Variants in OOSP1 observed in about 807,000 individuals in gnomAD.
The protein encoded by OOSP1 is oocyte secreted protein 1.
A neutral mutation model predicts 5.7 loss-of-function variants in OOSP1; 11 were observed. That is an observed-to-expected ratio of 1.94 (90% confidence interval 1.22 to 3.20). OOSP1 has a LOEUF of 3.20. Ranked by LOEUF, OOSP1 falls within the 30% of genes most tolerant of loss-of-function variation. The probability of loss-of-function intolerance (pLI) is 0.00; values close to 1 mark genes in which losing one functional copy is unlikely to be tolerated. For synonymous variants in OOSP1, 44 were observed against 20.0 expected, an observed-to-expected ratio of 2.20 and a Z score of -3.20; for missense variants, 83 against 54.1, an observed-to-expected ratio of 1.53 and a Z score of -1.67.
At chr11:59,944,412 G>A (rs1853862330) in intron 2 of OOSP1, among the ~76,000 whole-genome samples, 1 of 151,996 alleles carries the variant, frequency 6.6e-6, no homozygotes, top group Non-Finnish European at 1.5e-5. Flanking sequence ...GGTGGTGGTA[G>A]TATGTTAATT....
intron 4 of OOSP1, among the ~76,000 whole-genome samples, chr11:59,948,201 T>C (rs1032015644): frequency 5.9e-5 from 9 of 152,210 alleles, no homozygotes; most frequent in African/African-American, 2.2e-4. Flanking sequence ...GTATTAACAC[T>C]GAGCCTACAA....
rs1162140559 is a variant in OOSP1, at chr11:59,939,275, C to T, written c.76+745C>T. ...TTCTTCCTTTCTTTTTTTTTTGGGACAAGAGTCTCGCTGTCACCGAGGCTG... is the reference window on the plus strand; with the variant it reads ...TTCTTCCTTTCTTTTTTTTTTGGGATAAGAGTCTCGCTGTCACCGAGGCTG... On this transcript the variant is annotated intron_variant, in intron 1 of 4. Transcript: ENST00000646685. Among the ~76,000 whole-genome samples the T allele has an allele frequency of 2.0e-5, 3 of 147,276 alleles. No individual in the cohort carries two copies. In the South Asian group the frequency reaches 6.5e-4, roughly 32 times the overall value.
chr11:59,951,782 T>G (rs1344080869), intron 4 of OOSP1, among the ~76,000 whole-genome samples: 1 of 145,466 alleles, frequency 6.9e-6, no homozygotes, highest in Non-Finnish European at 1.5e-5. Context: ...AGTTTTTTTT[T>G]TTTTTTTTTT....
intron 3 of OOSP1, among the ~76,000 whole-genome samples, chr11:59,946,712 G>GT (rs766110424): frequency 9.9e-5 from 15 of 152,184 alleles, no homozygotes; most frequent in Non-Finnish European, 2.2e-4. Context: ...AAAGCATAAT[G>GT]AAGTCTAAAA....
At chr11:59,956,244 G>T (rs1468496808) in intron 4 of OOSP1, among the ~76,000 whole-genome samples, 1 of 149,262 alleles carries the variant, frequency 6.7e-6, no homozygotes. Context: ...AAATGTATTA[G>T]TTCAAGGTGG....
intron 4 of OOSP1, among the ~76,000 whole-genome samples, chr11:59,955,341 G>GA (rs1853984144): frequency 6.6e-6 from 1 of 151,550 alleles, no homozygotes; most frequent in African/African-American, 2.4e-5. Flanking sequence ...ATATCTTTAT[G>GA]GTTTTTTTTG....
chr11:59,946,899 A>G (rs1251017017), intron 3 of OOSP1, among the ~76,000 whole-genome samples: 1 of 149,774 alleles, frequency 6.7e-6, no homozygotes, highest in Non-Finnish European at 1.5e-5. Flanking sequence ...GCCTGTATCA[A>G]AATATCTCAT....
chr11:59,947,828 A>G, exon 4 of OOSP1: 1 of 398,896 alleles, frequency 2.5e-6, no homozygotes, highest in East Asian at 3.6e-5. Flanking sequence ...ATTGCGAATG[A>G]AGACATGGGC....
intron 4 of OOSP1, among the ~76,000 whole-genome samples, chr11:59,952,996 T>G (rs1451243305): frequency 6.6e-6 from 1 of 152,188 alleles, no homozygotes; most frequent in Non-Finnish European, 1.5e-5. Flanking sequence ...GAAGCTATAT[T>G]AATACACATT....
At chr11:59,945,206 G>A (rs1415652125) in exon 3 of OOSP1, 1 of 702,746 alleles carries the variant, frequency 1.4e-6, no homozygotes, top group East Asian at 2.7e-5. Context: ...ACTAAAATCA[G>A]GTATATCTCA....
At chr11:59,941,761 G>A (rs1853829206) in intron 1 of OOSP1, among the ~76,000 whole-genome samples, 1 of 152,138 alleles carries the variant, frequency 6.6e-6, no homozygotes, top group South Asian at 2.1e-4. Flanking sequence ...TCATATGGTT[G>A]TTGTATGTTT....
intron 4 of OOSP1, among the ~76,000 whole-genome samples, chr11:59,955,540 A>G (rs1019507858): frequency 2.6e-5 from 4 of 152,196 alleles, no homozygotes; most frequent in African/African-American, 9.6e-5. Context: ...TGTATCATAG[A>G]AGCAATAGAT....
At chr11:59,954,235 T>C (rs1359118485) in intron 4 of OOSP1, among the ~76,000 whole-genome samples, 2 of 152,230 alleles carry the variant, frequency 1.3e-5, no homozygotes, top group African/African-American at 4.8e-5. Flanking sequence ...CAAAATATCA[T>C]TGTGCAATGT....
chr11:59,948,908 C>T (rs1353942278), intron 4 of OOSP1: 1 of 396,100 alleles, frequency 2.5e-6, no homozygotes, highest in Non-Finnish European at 4.5e-6. Flanking sequence ...ATCTGAAAAA[C>T]CTAAATTGTG....
intron 4 of OOSP1, among the ~76,000 whole-genome samples, chr11:59,955,065 T>C (rs895521757): frequency 2.0e-5 from 3 of 152,090 alleles, no homozygotes; most frequent in Non-Finnish European, 4.4e-5. Context: ...TATTTACCTA[T>C]TTTTTCCTAA....
chr11:59,944,478 A>G (rs1361253567), intron 2 of OOSP1, among the ~76,000 whole-genome samples: 1 of 152,144 alleles, frequency 6.6e-6, no homozygotes, highest in Non-Finnish European at 1.5e-5. Context: ...GATATATCTG[A>G]GACGGGAACA....
At chr11:59,950,374 A>G (rs1853926754) in intron 4 of OOSP1, among the ~76,000 whole-genome samples, 1 of 152,216 alleles carries the variant, frequency 6.6e-6, no homozygotes. Context: ...ATCAGTACAT[A>G]CTAATACTTA....
intron 3 of OOSP1, among the ~76,000 whole-genome samples, chr11:59,945,947 G>T (rs928710760): frequency 1.1e-4 from 16 of 152,004 alleles, no homozygotes; most frequent in African/African-American, 3.9e-4. Flanking sequence ...GCTGGAGCAG[G>T]AGGAAGTGGT....
At chr11:59,949,339 T>C (rs533126719) in intron 4 of OOSP1, among the ~76,000 whole-genome samples, 1 of 152,030 alleles carries the variant, frequency 6.6e-6, no homozygotes, top group Non-Finnish European at 1.5e-5. Flanking sequence ...CAGGGAATAC[T>C]TGGGTGAGGG....
Sources: allele counts gnomAD v4.1 joint callset (sites outside exome capture counted in the v4.1 genomes callset), GRCh38; gene constraint gnomAD v4.1.1; transcripts MANE v1.5; gene names NCBI Gene and HGNC (gene_info 2026-07-23, HGNC 2026-07-21).